The following DISC1 variants were observed in gnomAD, a reference collection of about 807,000 sequenced individuals.
DISC1 encodes disrupted in schizophrenia 1 protein.
Under a neutral mutation model 84.5 loss-of-function variants are expected in DISC1, and 57 were observed. That is an observed-to-expected ratio of 0.67 (90% CI 0.55 to 0.84). The LOEUF (loss-of-function observed/expected upper bound fraction) is 0.84. Among genes scored for constraint, DISC1 ranks in the 40% least tolerant of loss-of-function variants. The pLI is 0.00. For missense variants in DISC1, 1,000 were observed against 1,057.8 expected, an observed-to-expected ratio of 0.95 and a Z score of 0.76; for synonymous variants, 411 against 415.2, an observed-to-expected ratio of 0.99 and a Z score of 0.12.
chr1:231,996,793 G>A (rs1404350781), intron 10 of DISC1, among the ~76,000 whole-genome samples: 1 of 152,146 alleles, frequency 6.6e-6, no homozygotes, highest in Admixed American at 6.5e-5. Flanking sequence ...CACAGGAATG[G>A]TGAATATCAA....
At chr1:231,939,796 G>T (rs1484783821) in intron 9 of DISC1, among the ~76,000 whole-genome samples, 1 of 151,726 alleles carries the variant, frequency 6.6e-6, no homozygotes, top group East Asian at 1.9e-4. Context: ...AGGCTGGAGT[G>T]CAGTGGCGCG....
chr1:231,903,120 G>T (rs1168163158), intron 9 of DISC1, among the ~76,000 whole-genome samples: 9 of 149,488 alleles, frequency 6.0e-5, no homozygotes, highest in Non-Finnish European at 1.3e-4. Flanking sequence ...GGAGTGCAGT[G>T]GTGCAATCAT....
chr1:231,911,726 G>A (rs1009024551), intron 9 of DISC1, among the ~76,000 whole-genome samples: 1 of 152,192 alleles, frequency 6.6e-6, no homozygotes, highest in African/African-American at 2.4e-5. Context: ...GGCCTGCCTT[G>A]CTAGGTTGGG....
At chr1:231,951,569 A>G (rs1658371340) in intron 9 of DISC1, among the ~76,000 whole-genome samples, 1 of 152,126 alleles carries the variant, frequency 6.6e-6, no homozygotes, top group South Asian at 2.1e-4. Context: ...AAACCCCCTC[A>G]AGCTGGGCCA....
chr1:231,676,510 C>T (rs1377462613), intron 1 of DISC1, among the ~76,000 whole-genome samples: 12 of 152,224 alleles, frequency 7.9e-5, no homozygotes, highest in African/African-American at 2.9e-4. Flanking sequence ...CATAGTTTAC[C>T]ATGCCTGACC....
At chr1:231,969,999 T>C (rs564656548) in intron 10 of DISC1, among the ~76,000 whole-genome samples, 7 of 152,312 alleles carry the variant, frequency 4.6e-5, no homozygotes, top group Middle Eastern at 3.4e-3. Context: ...CAGTCTACCA[T>C]TGATGGACGT....
At chr1:231,896,079 C>T (rs2087663281) in intron 9 of DISC1, among the ~76,000 whole-genome samples, 1 of 152,132 alleles carries the variant, frequency 6.6e-6, no homozygotes, top group African/African-American at 2.4e-5. Flanking sequence ...CGGCAACTTT[C>T]CTACCACTAC....
At chr1:232,015,836 T>A (rs1558839075) in intron 11 of DISC1, among the ~76,000 whole-genome samples, 1 of 152,208 alleles carries the variant, frequency 6.6e-6, no homozygotes, top group Non-Finnish European at 1.5e-5. Context: ...CAGCCATTGG[T>A]CATTCCACAC....
intron 9 of DISC1, among the ~76,000 whole-genome samples, chr1:231,907,288 A>C (rs1033627227): frequency 2.6e-5 from 4 of 151,520 alleles, no homozygotes; most frequent in Non-Finnish European, 4.4e-5. Flanking sequence ...TTTACATTAG[A>C]TATATCTCCT....
intron 9 of DISC1, among the ~76,000 whole-genome samples, chr1:231,916,505 A>T (rs970613212): frequency 1.3e-5 from 2 of 151,634 alleles, no homozygotes; most frequent in Non-Finnish European, 2.9e-5. Flanking sequence ...ATACAAAAAA[A>T]TTAGCCGGGC....
At chr1:231,724,065 T>G in intron 3 of DISC1, 1 of 974,292 alleles carries the variant, frequency 1.0e-6, no homozygotes. Flanking sequence ...AATGTTGGTC[T>G]TCATCCTTTA....
chr1:231,999,900 A>G (rs1666448924), intron 10 of DISC1, among the ~76,000 whole-genome samples: 1 of 152,210 alleles, frequency 6.6e-6, no homozygotes, highest in African/African-American at 2.4e-5. Flanking sequence ...AAGGAACCAC[A>G]CTGCAATGGC....
At chr1:231,884,727 C>A (rs745810294) in intron 9 of DISC1, among the ~76,000 whole-genome samples, 3 of 151,560 alleles carry the variant, frequency 2.0e-5, no homozygotes, top group Non-Finnish European at 4.4e-5. Flanking sequence ...ACCTCTACAC[C>A]AAACCTTCAT....
chr1:231,627,074 G>A (rs1267355114), intron 1 of DISC1, 140 bp downstream of exon 1: 1 of 575,830 alleles, frequency 1.7e-6, no homozygotes, highest in Non-Finnish European at 2.9e-6. Context: ...ACTGAGGCAG[G>A]ACGCGAGGCG....
intron 10 of DISC1, among the ~76,000 whole-genome samples, chr1:231,965,265 T>C (rs750160670): frequency 6.6e-6 from 1 of 152,242 alleles, no homozygotes; most frequent in Non-Finnish European, 1.5e-5. Context: ...ATCTGAGTTA[T>C]AAGTTAGATG....
chr1:231,942,656 C>T (rs2091419603), intron 9 of DISC1, among the ~76,000 whole-genome samples: 1 of 151,914 alleles, frequency 6.6e-6, no homozygotes, highest in East Asian at 1.9e-4. Flanking sequence ...CAGAGTGAGA[C>T]TGTCTCAAAA....
intron 6 of DISC1, among the ~76,000 whole-genome samples, chr1:231,773,403 G>A (rs1017807872): frequency 2.6e-5 from 4 of 152,126 alleles, no homozygotes; most frequent in Non-Finnish European, 5.9e-5. Flanking sequence ...TGTATGTTTT[G>A]AGATAGAGTC....
intron 10 of DISC1, among the ~76,000 whole-genome samples, chr1:231,969,351 C>A (rs1661592150): frequency 6.6e-6 from 1 of 152,022 alleles, no homozygotes; most frequent in Admixed American, 6.6e-5. Context: ...TGGCAGGGAT[C>A]CTAGAGCACA....
chr1:231,784,124 A>G lies in DISC1; in HGVS notation c.1635-11118A>G, dbSNP rs370377574. Among the ~76,000 whole-genome samples the G allele has an allele frequency of 9.5e-4, 145 of 152,210 alleles. 1 individual carries two copies. The Middle Eastern group carries it at 0.014, about 14-fold the overall frequency. On this transcript the variant is annotated intron_variant, in intron 6 of 12. Coordinates refer to ENST00000439617, the MANE Select transcript of DISC1 (RefSeq NM_018662.3). ...CTAAAAATGCAAAAATTATCCGGGC[A>G]TGGTGGTGCGCACCTGTAATCCCAG...
Sources: gnomAD v4.1 joint callset for allele counts (sites outside exome capture counted in the v4.1 genomes callset) on GRCh38, gnomAD v4.1.1 for gene constraint, MANE v1.5 for transcripts, NCBI Gene and HGNC (gene_info 2026-07-23, HGNC 2026-07-21) for gene names.